The following WIPF1 variants were observed in gnomAD, a reference collection of about 807,000 sequenced individuals.
WIPF1 encodes the protein WAS/WASL-interacting protein family member 1.
WIPF1 carries 13 observed loss-of-function variants against 35.4 expected under a neutral mutation model. The ratio of observed to expected loss-of-function variants is 0.37; its 90% CI spans 0.24 to 0.58. The LOEUF is 0.58. Among genes scored for constraint, WIPF1 ranks in the 20% least tolerant of loss-of-function variants. WIPF1 has a pLI of 0.74. For synonymous variants in WIPF1, 267 were observed against 266.3 expected (o/e 1.00, Z -0.02); for missense variants, 591 against 667.0 (o/e 0.89, Z 1.25).
At chr2:174,637,282 C>T (rs1483839612) in intron 1 of WIPF1, among the ~76,000 whole-genome samples, 1 of 152,022 alleles carries the variant, frequency 6.6e-6, no homozygotes, top group African/African-American at 2.4e-5. Flanking sequence ...TCCAGCACTA[C>T]AAGATGCTCC....
Position 174,567,883 on chromosome 2 carries a change from G to A in WIPF1, c.1320C>T (p.Gly440=). 6.2e-7 allele frequency: 1 copy of A among 1,603,788 alleles called. No homozygotes were observed. Among genetic ancestry groups the A allele is most frequent in the Non-Finnish European group, 8.5e-7 (1 of 1,174,064 alleles). ...CACCTTCACATGGAGAGTCTTGGAA[G>A]CCATTTCTAATAGATGTTGATGGTG... ...PPPPSTSIRN[G]FQDSPCEDEW... The change falls in exon 6 of 8, where the codon GGC becomes GGT. Residue 440 remains glycine (G), a synonymous_variant. Transcript: ENST00000679041.
chr2:174,586,335 T>C (rs993970832), intron 1 of WIPF1, among the ~76,000 whole-genome samples: 1 of 152,202 alleles, frequency 6.6e-6, no homozygotes, highest in Non-Finnish European at 1.5e-5. Context: ...CCAGGCTGTT[T>C]ACCAGAAATG....
chr2:174,591,367 A>G (rs992897034), intron 1 of WIPF1, among the ~76,000 whole-genome samples: 145 of 152,230 alleles, frequency 9.5e-4, no homozygotes, highest in African/African-American at 3.4e-3. Context: ...AAACAATAAG[A>G]TAATGGCCTT....
chr2:174,656,260 T>A (rs1218047607), intron 1 of WIPF1: 2 of 152,268 alleles, frequency 1.3e-5, no homozygotes, highest in Non-Finnish European at 2.9e-5. Context: ...AGTGCAGAAT[T>A]TCAAGCAAGT....
At chr2:174,641,013 T>C (rs1435276817) in intron 1 of WIPF1, among the ~76,000 whole-genome samples, 1 of 152,060 alleles carries the variant, frequency 6.6e-6, no homozygotes, top group Non-Finnish European at 1.5e-5. Context: ...TGCAAAACTA[T>C]AGTGACCAAA....
intron 1 of WIPF1, among the ~76,000 whole-genome samples, chr2:174,604,629 A>G (rs1438176714): frequency 6.6e-6 from 1 of 152,256 alleles, no homozygotes; most frequent in Non-Finnish European, 1.5e-5. Context: ...AATTCAACAT[A>G]TGAAAAGAGT....
At chr2:174,606,428 T>C (rs1023132088) in intron 1 of WIPF1, among the ~76,000 whole-genome samples, 8 of 152,226 alleles carry the variant, frequency 5.3e-5, no homozygotes, top group African/African-American at 1.9e-4. Context: ...AAACTGGTGT[T>C]TACTTTACTA....
At chr2:174,602,612 G>A (rs947585144), upstream of WIPF1, among the ~76,000 whole-genome samples, 10 of 152,116 alleles carry the variant, frequency 6.6e-5, no homozygotes, top group Admixed American at 2.0e-4. Context: ...TTAAAATATG[G>A]GAATTATTTG....
At chr2:174,667,394 T>C (rs796688806) in intron 1 of WIPF1, among the ~76,000 whole-genome samples, 1 of 152,180 alleles carries the variant, frequency 6.6e-6, no homozygotes, top group South Asian at 2.1e-4. Context: ...AATGACACTT[T>C]ACAACCCTTT....
intron 1 of WIPF1, among the ~76,000 whole-genome samples, chr2:174,668,905 G>A (rs775606915): frequency 1.3e-5 from 2 of 152,178 alleles, no homozygotes; most frequent in Non-Finnish European, 2.9e-5. Context: ...CTGAAGCCAC[G>A]CTGCCTGGAC....
intron 1 of WIPF1, among the ~76,000 whole-genome samples, chr2:174,627,600 G>A (rs1210804602): frequency 6.7e-6 from 1 of 149,862 alleles, no homozygotes; most frequent in African/African-American, 2.5e-5. Context: ...GAGTGCAGTG[G>A]TGTGATCATG....
At chr2:174,665,646 A>G (rs753832864) in intron 1 of WIPF1, 37 of 152,238 alleles carry the variant, frequency 2.4e-4, no homozygotes, top group Non-Finnish European at 4.6e-4. Context: ...TTCTTAATAG[A>G]AAAGGAAATG....
intron 1 of WIPF1, among the ~76,000 whole-genome samples, chr2:174,631,959 G>T (rs886862665): frequency 6.6e-6 from 1 of 152,184 alleles, no homozygotes; most frequent in African/African-American, 2.4e-5. Context: ...CCTATGTTGA[G>T]GAAGAAGAGA....
chr2:174,632,187 A>C (rs1033613764), intron 1 of WIPF1, among the ~76,000 whole-genome samples: 1 of 152,194 alleles, frequency 6.6e-6, no homozygotes, highest in African/African-American at 2.4e-5. Context: ...TCTACCACCC[A>C]ACAGGATCTG....
Position 174,575,198 on chromosome 2 carries a change from C to T in WIPF1, c.358+6G>A, listed in dbSNP as rs1229923203. On this transcript the variant is annotated splice_donor_region_variant and intron_variant, in intron 4 of 7. Coordinates refer to ENST00000679041, the MANE Select transcript of WIPF1 (RefSeq NM_001375834.1). ...AGTCACTCAGAGACAGGGAAACTCT[C>T]CTTACCATTATCCCTGTTGGCCGTG... 6.2e-7 allele frequency: 1 copy of T among 1,604,430 alleles called. No individual in the cohort carries two copies. Among genetic ancestry groups the T allele is most frequent in the Non-Finnish European group, 8.5e-7 (1 of 1,174,276 alleles).
rs769952829 is a variant in WIPF1, at chr2:174,670,157, A to C, written c.-39+12617T>G. ...GTCCAACCCAGCAGCCACACAGATG[A>C]AGATTAGGATTCCTTGCTTTTCACT... On this transcript the variant is annotated intron_variant, in intron 1 of 8. Coordinates refer to the WIPF1 transcript ENST00000272746. Among the ~76,000 whole-genome samples, 120 of 152,038 alleles carry C rather than the reference A, an allele frequency of 7.9e-4. 1 individual carries two copies. Among genetic ancestry groups the C allele is most frequent in the Non-Finnish European group, 1.9e-4 (13 of 68,022 alleles).
chr2:174,581,420 G>A lies in WIPF1; in HGVS notation c.71C>T (p.Thr24Ile), dbSNP rs747411676. 1 of 1,613,898 alleles carries A rather than the reference G, an allele frequency of 6.2e-7. No homozygotes were observed. The highest frequency in any genetic ancestry group is 8.5e-7 in the Non-Finnish European group (1 of 1,179,920). ...TFALANTEKP[T>I]LNKTEQAGRN... The stretch of plus-strand genomic sequence containing the variant: ...CCCAGCCTGCTCTGTCTTATTCAAG[G>A]TAGGCTTCTCTGTATTGGCCTGAAA... The change falls in exon 3 of 8, where the codon ACC becomes ATC. Residue 24 changes from threonine to isoleucine, a missense_variant. Around this residue, in one of 3 missense-constraint regions of WIPF1, gnomAD observed 471 missense variants for 501.1 expected, o/e 0.94. Transcript: ENST00000679041.
At chr2:174,599,930 A>G (rs1685946709), upstream of WIPF1, among the ~76,000 whole-genome samples, 1 of 151,518 alleles carries the variant, frequency 6.6e-6, no homozygotes. Context: ...GTGGAAGATA[A>G]TTTTTCCACG....
intron 1 of WIPF1, chr2:174,676,315 C>CTTTTTTT (rs75689219): frequency 1.1e-4 from 6 of 55,060 alleles, no homozygotes; most frequent in Non-Finnish European, 1.2e-4. Flanking sequence ...TCCCTCCCTT[C>CTTTTTTT]TTTTTTTTTT....
Sources: gnomAD v4.1 joint callset for allele counts (sites outside exome capture counted in the v4.1 genomes callset) on GRCh38, gnomAD v4.1.1 for gene constraint, gnomAD v4.1.1 regional missense constraint, MANE v1.5 for transcripts, NCBI Gene and HGNC (gene_info 2026-07-23, HGNC 2026-07-21) for gene names.